EDARADD: variants seen among roughly 807,000 people sequenced by gnomAD.
EDARADD encodes ectodysplasin-A receptor-associated adapter protein.
A neutral mutation model predicts 25.6 loss-of-function variants in EDARADD; 20 were observed. That is an observed-to-expected ratio of 0.78 (90% CI 0.55 to 1.14). EDARADD has a LOEUF of 1.14. EDARADD is among the 50% of genes most tolerant of loss of function. The pLI is 0.00. For missense variants in EDARADD, 225 were observed against 270.1 expected (o/e 0.83, Z 1.17); for synonymous variants, 86 against 94.4 (o/e 0.91, Z 0.52).
Position 236,386,075 on chromosome 1 carries a change from C to T in EDARADD, c.-5-23141C>T, listed in dbSNP as rs1479471616. On this transcript the variant is annotated intron_variant, in intron 3 of 7. Transcript: ENST00000439430. ...AATGCCTGCAATTGCAGGCACGCGCCGCCACGCCTGACTGGTTTTGGTGGA... is the reference window on the plus strand; with the variant it reads ...AATGCCTGCAATTGCAGGCACGCGCTGCCACGCCTGACTGGTTTTGGTGGA... 2.3e-4 allele frequency among the ~76,000 whole-genome samples: 8 copies of T among 34,134 alleles called. 4 individuals carry two copies. Among genetic ancestry groups the T allele is most frequent in the African/African-American group, 6.5e-4 (8 of 12,236 alleles). The allele number at this position is 34,134 out of a possible 152,430, so 22.4% of individuals were successfully genotyped here. A position where few individuals can be genotyped will look rare whatever the true frequency, so the allele number is the denominator to read the frequency against.
At chr1:236,356,403 C>T (rs1036068868) in intron 3 of EDARADD, among the ~76,000 whole-genome samples, 4 of 152,128 alleles carry the variant, frequency 2.6e-5, no homozygotes, top group East Asian at 1.9e-4. Context: ...TTATGTTTAC[C>T]GGGCACTCTG....
rs542430463 is a variant in EDARADD at position 236,367,899 on chromosome 1, A to G, written c.-6+17060A>G. On this transcript the variant is annotated intron_variant, in intron 3 of 7. Coordinates refer to the EDARADD transcript ENST00000439430. ...AGATGCTGGAGGATCACTTGAGCCC[A>G]GAAATTCGAGACCAGCCTGGGCAAC... Among the ~76,000 whole-genome samples, 318 of 151,876 alleles carry G rather than the reference A, an allele frequency of 2.1e-3. 3 individuals are homozygous for G. Among genetic ancestry groups the G allele is most frequent in the African/African-American group, 7.4e-3 (306 of 41,372 alleles).
chr1:236,424,434 A>G (rs1657858663), intron 3 of EDARADD, among the ~76,000 whole-genome samples: 1 of 151,990 alleles, frequency 6.6e-6, no homozygotes, highest in African/African-American at 2.4e-5. Flanking sequence ...AAGTGCTGGG[A>G]TTACAGGTGT....
At chr1:236,405,874 C>CTTCCTTCCTTCT (rs56931070) in intron 1 of EDARADD, among the ~76,000 whole-genome samples, 55 of 30,836 alleles carry the variant, frequency 1.8e-3, no homozygotes, top group East Asian at 0.01. Flanking sequence ...TCCTTCCTTC[C>CTTCCTTCCTTCT]TTCTTTCTTT....
At chr1:236,411,854 G>A (rs1050858452) in intron 2 of EDARADD, among the ~76,000 whole-genome samples, 7 of 152,028 alleles carry the variant, frequency 4.6e-5, no homozygotes, top group African/African-American at 7.2e-5. Flanking sequence ...CCTGGCCCTC[G>A]TCTCTTCTTT....
chr1:236,405,832 T>C (rs1304351842), intron 1 of EDARADD, among the ~76,000 whole-genome samples: 1 of 31,274 alleles, frequency 3.2e-5, no homozygotes, highest in African/African-American at 1.3e-4. Flanking sequence ...TTTCCTTCCT[T>C]CCTTCCTTCC....
chr1:236,439,532 AT>A (rs1318729654), intron 4 of EDARADD, among the ~76,000 whole-genome samples: 3 of 152,118 alleles, frequency 2.0e-5, no homozygotes, highest in Non-Finnish European at 4.4e-5. Flanking sequence ...AGTGTTCTGG[AT>A]TTTAGCTATT....
At chr1:236,372,633 T>G (rs976871772) in intron 3 of EDARADD, among the ~76,000 whole-genome samples, 8 of 152,200 alleles carry the variant, frequency 5.3e-5, no homozygotes, top group Non-Finnish European at 1.2e-4. Flanking sequence ...AGAATTGGTA[T>G]AATTTTCTTC....
intron 3 of EDARADD, among the ~76,000 whole-genome samples, chr1:236,378,026 A>G (rs1263343568): frequency 6.6e-6 from 1 of 152,094 alleles, no homozygotes; most frequent in African/African-American, 2.4e-5. Context: ...AGCTTTCCCT[A>G]GTGCTATGGT....
chr1:236,351,624 C>T (rs980461030), intron 3 of EDARADD, among the ~76,000 whole-genome samples: 11 of 151,278 alleles, frequency 7.3e-5, no homozygotes, highest in East Asian at 3.9e-4. Context: ...GCAGGAGAAT[C>T]GCTTGAACCC....
chr1:236,389,395 T>A (rs114519706), upstream of EDARADD, among the ~76,000 whole-genome samples: 2,055 of 152,294 alleles, frequency 0.013, 46 homozygotes, highest in African/African-American at 0.046. Flanking sequence ...ATTCTGTTTG[T>A]GGGAAACCAA....
At chr1:236,465,166 T>C (rs186489464) in intron 4 of EDARADD, among the ~76,000 whole-genome samples, 19 of 152,210 alleles carry the variant, frequency 1.2e-4, no homozygotes, top group Admixed American at 6.5e-4. Context: ...ATGTCATTCT[T>C]CCCCCTTCTC....
intron 4 of EDARADD, among the ~76,000 whole-genome samples, chr1:236,443,533 G>A (rs1255853096): frequency 2.6e-5 from 4 of 152,214 alleles, no homozygotes; most frequent in Admixed American, 1.3e-4. Flanking sequence ...AGTGGGGGAA[G>A]TAACTGCAGA....
At chr1:236,361,233 C>A (rs2812460) in intron 3 of EDARADD, among the ~76,000 whole-genome samples, 1 of 151,864 alleles carries the variant, frequency 6.6e-6, no homozygotes, top group African/African-American at 2.4e-5. Flanking sequence ...CTTTCCCCTA[C>A]GCCACCAGTC....
chr1:236,478,726 G>A (rs965300920), intron 5 of EDARADD, among the ~76,000 whole-genome samples: 16 of 152,040 alleles, frequency 1.1e-4, no homozygotes, highest in African/African-American at 1.7e-4. Context: ...AGCTGGGACT[G>A]CAGGCGCCCG....
upstream of EDARADD, among the ~76,000 whole-genome samples, chr1:236,390,944 G>GTTATTATTATTATTA (rs1444904196): frequency 9.3e-5 from 14 of 150,000 alleles, no homozygotes; most frequent in Non-Finnish European, 1.5e-4. Flanking sequence ...TGGGTTAGTT[G>GTTATTATTATTATTA]TTATTATTAT....
chr1:236,376,269 T>C (rs1051483308), intron 3 of EDARADD, among the ~76,000 whole-genome samples: 3 of 152,218 alleles, frequency 2.0e-5, no homozygotes, highest in Non-Finnish European at 4.4e-5. Flanking sequence ...TTCCTTTCTT[T>C]ATGTAATCTG....
At chr1:236,393,599 A>T (rs1424537809), upstream of EDARADD, among the ~76,000 whole-genome samples, 1 of 151,700 alleles carries the variant, frequency 6.6e-6, no homozygotes, top group Non-Finnish European at 1.5e-5. Context: ...GTTTCATCAC[A>T]TTGGCCAGGC....
At chr1:236,355,444 A>G (rs1301762106) in intron 3 of EDARADD, among the ~76,000 whole-genome samples, 3 of 147,526 alleles carry the variant, frequency 2.0e-5, no homozygotes, top group Non-Finnish European at 4.5e-5. Flanking sequence ...CATCCTGTGC[A>G]TGCTCTGTGC....
Sources: gnomAD v4.1 joint callset for allele counts (sites outside exome capture counted in the v4.1 genomes callset) on GRCh38, gnomAD v4.1.1 for gene constraint, MANE v1.5 for transcripts, NCBI Gene and HGNC (gene_info 2026-07-23, HGNC 2026-07-21) for gene names.